TMC1: variants seen among roughly 807,000 people sequenced by gnomAD.
TMC1 encodes the protein transmembrane channel like 1, also known as transmembrane channel-like protein 1.
Under a neutral mutation model 105.8 loss-of-function variants are expected in TMC1, and 84 were observed. That is an observed-to-expected ratio of 0.79 (90% CI 0.67 to 0.95). The LOEUF is 0.95. Among genes scored for constraint, TMC1 ranks in the 40% least tolerant of loss-of-function variants. The pLI is 0.00. For missense variants in TMC1, 817 were observed against 914.1 expected (o/e 0.89, Z 1.37); for synonymous variants, 315 against 311.5 (o/e 1.01, Z -0.12).
At chr9:72,741,834 A>G (rs1206215985) in intron 9 of TMC1, among the ~76,000 whole-genome samples, 7 of 152,214 alleles carry the variant, frequency 4.6e-5, no homozygotes, top group African/African-American at 1.7e-4. Flanking sequence ...TTAAATAGAA[A>G]GAAGGCCTTT....
chr9:72,540,085 G>A (rs1277789969), intron 1 of TMC1, among the ~76,000 whole-genome samples: 4 of 152,068 alleles, frequency 2.6e-5, no homozygotes, highest in African/African-American at 9.7e-5. Flanking sequence ...TTGAGAACTC[G>A]CTCACTCCCA....
chr9:72,543,317 C>T (rs1001322250), intron 1 of TMC1, among the ~76,000 whole-genome samples: 3 of 152,196 alleles, frequency 2.0e-5, no homozygotes, highest in Admixed American at 6.5e-5. Flanking sequence ...AGATCTATCT[C>T]CTGCATCTCA....
intron 8 of TMC1, among the ~76,000 whole-genome samples, chr9:72,737,508 T>G (rs912006162): frequency 1.3e-5 from 2 of 152,290 alleles, no homozygotes; most frequent in Admixed American, 1.3e-4. Flanking sequence ...CCTAGGTCTG[T>G]GTGAGTCTGA....
chr9:72,697,016 T>A (rs1267573108), intron 7 of TMC1, among the ~76,000 whole-genome samples: 1 of 152,204 alleles, frequency 6.6e-6, no homozygotes, highest in South Asian at 2.1e-4. Flanking sequence ...GGGTAACTTA[T>A]GTGTCAACAA....
intron 5 of TMC1, among the ~76,000 whole-genome samples, chr9:72,660,877 G>T (rs2132160579): frequency 6.6e-6 from 1 of 152,258 alleles, no homozygotes. Context: ...GTATTTGGAT[G>T]GAAATTATCA....
At chr9:72,627,806 A>G (rs1028302199) in intron 3 of TMC1, 115 bp from the exon 4 acceptor site, 4 of 327,240 alleles carry the variant, frequency 1.2e-5, no homozygotes, top group Non-Finnish European at 2.4e-5. Context: ...TACCTTGTAA[A>G]TACCATCATA....
chr9:72,655,386 T>C (rs578097530), intron 5 of TMC1, among the ~76,000 whole-genome samples: 2 of 152,256 alleles, frequency 1.3e-5, no homozygotes, highest in East Asian at 3.9e-4. Context: ...TTCCCTTCAG[T>C]GCTTTAAGGA....
chr9:72,709,671 A>G lies in TMC1; in HGVS notation c.362+9028A>G, dbSNP rs149377819. 2.0e-3 allele frequency among the ~76,000 whole-genome samples: 300 copies of G among 152,170 alleles called. 4 individuals are homozygous for G. Among genetic ancestry groups the G allele is most frequent in the African/African-American group, 6.7e-3 (280 of 41,522 alleles). On this transcript the variant is annotated intron_variant, in intron 8 of 23. Transcript: ENST00000297784. ...CATAAAGGTGTTCATAGTAGCCTTG[A>G]GTGATCTTTTGTATTTCTGTGGTGT...
intron 15 of TMC1, 55 bp from the exon 16 acceptor site, chr9:72,791,831 G>A (rs571632980): frequency 3.7e-5 from 56 of 1,511,548 alleles, no homozygotes; most frequent in Non-Finnish European, 5.0e-5. Context: ...CTGGCAAAAA[G>A]CAATAATAAC....
intron 12 of TMC1, among the ~76,000 whole-genome samples, chr9:72,763,657 C>T (rs1247748051): frequency 6.6e-6 from 1 of 152,098 alleles, no homozygotes; most frequent in Non-Finnish European, 1.5e-5. Context: ...TAAGAGGTGG[C>T]CTTATTCAGG....
intron 8 of TMC1, among the ~76,000 whole-genome samples, chr9:72,724,444 T>C (rs1210957523): frequency 1.3e-5 from 2 of 152,238 alleles, no homozygotes; most frequent in Non-Finnish European, 2.9e-5. Flanking sequence ...GGCCGAATTA[T>C]CTCTTAAAGG....
chr9:72,753,115 T>G (rs1293442652), intron 11 of TMC1, among the ~76,000 whole-genome samples: 1 of 152,248 alleles, frequency 6.6e-6, no homozygotes, highest in African/African-American at 2.4e-5. Context: ...TTTTGCACTT[T>G]AATCCACTAG....
rs1827407148 is a variant in TMC1 at position 72,742,498 on chromosome 9, T to C, written c.508T>C (p.Trp170Arg). ...GAACTTCAAAGCTGCGTGTGTCCCA[T>C]GGGAAAATAAAATCAAGGCTATTGA... is the stretch of plus-strand genomic sequence containing the variant. Reference protein sequence around the residue: ...FENFKAACVPWENKIKAIESQ... With the variant: ...FENFKAACVPRENKIKAIESQ... The change falls in exon 10 of 24, where the codon TGG (tryptophan) becomes CGG (arginine). Residue 170 changes from tryptophan to arginine, a missense_variant. Coordinates refer to ENST00000297784, the MANE Select transcript of TMC1 (RefSeq NM_138691.3). The C allele has an allele frequency of 6.2e-7, 1 of 1,614,106 alleles. No individual in the cohort carries two copies. The highest frequency in any genetic ancestry group is 8.5e-7 in the Non-Finnish European group (1 of 1,179,994).
intron 4 of TMC1, among the ~76,000 whole-genome samples, chr9:72,643,657 A>G (rs1359275044): frequency 6.6e-6 from 1 of 152,186 alleles, no homozygotes; most frequent in Admixed American, 6.5e-5. Flanking sequence ...ACAAATTAGC[A>G]TTCAATTACA....
At chr9:72,636,270 A>C (rs1202148365) in intron 4 of TMC1, among the ~76,000 whole-genome samples, 2 of 152,180 alleles carry the variant, frequency 1.3e-5, no homozygotes, top group African/African-American at 4.8e-5. Context: ...TCAGAGACTC[A>C]TTTTCTAAGA....
At chr9:72,683,580 CT>C (rs1252837486) in intron 5 of TMC1, among the ~76,000 whole-genome samples, 9 of 150,340 alleles carry the variant, frequency 6.0e-5, no homozygotes, top group East Asian at 3.9e-4. Context: ...CCTTTTCTCT[CT>C]TTTTTTCCCC....
At chr9:72,731,201 G>A (rs1336296255) in intron 8 of TMC1, among the ~76,000 whole-genome samples, 1 of 152,216 alleles carries the variant, frequency 6.6e-6, no homozygotes, top group African/African-American at 2.4e-5. Flanking sequence ...TCACATCTAT[G>A]CCAGGTGCTA....
chr9:72,607,759 A>C (rs895144384), intron 2 of TMC1: 1 of 152,096 alleles, frequency 6.6e-6, no homozygotes, highest in African/African-American at 2.4e-5. Flanking sequence ...CAGCCTGGGC[A>C]AAATGGTGAG....
chr9:72,648,979 G>A (rs1345349870), intron 5 of TMC1, among the ~76,000 whole-genome samples: 1 of 152,212 alleles, frequency 6.6e-6, no homozygotes, highest in Non-Finnish European at 1.5e-5. Context: ...CAACTCAAAT[G>A]CGGGCTTTAT....
Sources: gnomAD v4.1 joint callset for allele counts (sites outside exome capture counted in the v4.1 genomes callset) on GRCh38, gnomAD v4.1.1 for gene constraint, MANE v1.5 for transcripts, NCBI Gene and HGNC (gene_info 2026-07-23, HGNC 2026-07-21) for gene names.